SUCLG2: variants seen among roughly 807,000 people sequenced by gnomAD.
SUCLG2 encodes the protein succinate-CoA ligase GDP-forming subunit beta, also known as succinate--CoA ligase [GDP-forming] subunit beta, mitochondrial.
Under a neutral mutation model 47.9 loss-of-function variants are expected in SUCLG2, and 42 were observed. The ratio of observed to expected loss-of-function variants is 0.88; its 90% CI spans 0.69 to 1.14. SUCLG2 has a LOEUF of 1.14. Ranked by LOEUF, SUCLG2 falls within the 50% of genes most tolerant of loss-of-function variation. SUCLG2 has a pLI of 0.00. For missense variants in SUCLG2, 571 were observed against 525.9 expected, an observed-to-expected ratio of 1.09 and a Z score of -0.84; for synonymous variants, 195 against 197.3, an observed-to-expected ratio of 0.99 and a Z score of 0.10.
chr3:67,623,160 A>G (rs1053669078), intron 1 of SUCLG2, among the ~76,000 whole-genome samples: 1 of 152,174 alleles, frequency 6.6e-6, no homozygotes, highest in African/African-American at 2.4e-5. Flanking sequence ...TGGTGGCAAA[A>G]GAGGGTCTGT....
At chr3:67,404,337 A>G (rs1220394343) in intron 9 of SUCLG2, among the ~76,000 whole-genome samples, 2 of 150,552 alleles carry the variant, frequency 1.3e-5, no homozygotes, top group African/African-American at 2.4e-5. Flanking sequence ...AGAGCATGGG[A>G]GAGAGAGAGA....
chr3:67,497,654 C>T (rs779930747), intron 8 of SUCLG2, among the ~76,000 whole-genome samples: 4 of 152,104 alleles, frequency 2.6e-5, no homozygotes, highest in Non-Finnish European at 5.9e-5. Flanking sequence ...CAGAAGAGTT[C>T]TGCATATTAA....
At chr3:67,483,269 A>G (rs2107022216) in intron 9 of SUCLG2, among the ~76,000 whole-genome samples, 1 of 152,300 alleles carries the variant, frequency 6.6e-6, no homozygotes, top group Admixed American at 6.5e-5. Flanking sequence ...AGCAAGCAAC[A>G]TTGCTCAGAA....
At chr3:67,387,932 T>TA (rs549945358) in intron 10 of SUCLG2, among the ~76,000 whole-genome samples, 12 of 150,586 alleles carry the variant, frequency 8.0e-5, no homozygotes, top group East Asian at 1.9e-4. Context: ...AAGAGAGATG[T>TA]AAAAAAAAAT....
At chr3:67,422,326 T>A (rs1326223462) in intron 9 of SUCLG2, among the ~76,000 whole-genome samples, 2 of 150,424 alleles carry the variant, frequency 1.3e-5, no homozygotes, top group African/African-American at 4.9e-5. Context: ...ACAAAAAAAA[T>A]TAGCTGGGCA....
At position 67,648,459 on chromosome 3, in the gene SUCLG2, C is replaced by T. The variant is rs1039903127; in HGVS notation, c.84+6044G>A. On this transcript the variant is annotated intron_variant, in intron 1 of 10. Coordinates refer to ENST00000307227, the MANE Select transcript of SUCLG2 (RefSeq NM_003848.4). ...AGTTTAACTGCCTAGTTCAGCCCAA[C>T]TAGGATCTTTCAGTGACAGAGCTTA... Among the ~76,000 whole-genome samples, 3 of 152,212 alleles carry T rather than the reference C, an allele frequency of 2.0e-5. No homozygotes were observed. In the East Asian group the frequency reaches 5.8e-4, roughly 29 times the overall value.
chr3:67,400,890 A>G lies in SUCLG2; in HGVS notation c.1063-39T>C, dbSNP rs373138150. On this transcript the variant is annotated intron_variant, in intron 9 of 10. Transcript: ENST00000307227. ...TAAAAAGTTACCAATCAAAATGCTG[A>G]TCGCCAACAGTCTCAAAAATAACTG... The G allele has an allele frequency of 2.4e-4, 383 of 1,610,732 alleles. 7 individuals are homozygous for G. In the South Asian group the frequency reaches 4.0e-3, roughly 17 times the overall value.
At chr3:67,512,951 A>G (rs1267413027) in intron 6 of SUCLG2, among the ~76,000 whole-genome samples, 3 of 150,634 alleles carry the variant, frequency 2.0e-5, no homozygotes, top group Non-Finnish European at 2.9e-5. Context: ...CTCTCCATAT[A>G]TATCTCCATA....
intron 9 of SUCLG2, among the ~76,000 whole-genome samples, chr3:67,459,542 T>C (rs972935476): frequency 6.6e-6 from 1 of 152,204 alleles, no homozygotes; most frequent in Non-Finnish European, 1.5e-5. Flanking sequence ...TTTGGGTCAG[T>C]TTGTTTATTT....
intron 9 of SUCLG2, among the ~76,000 whole-genome samples, chr3:67,474,213 T>A (rs944480526): frequency 6.6e-6 from 1 of 151,648 alleles, no homozygotes; most frequent in Non-Finnish European, 1.5e-5. Context: ...TGAGCCGAGA[T>A]TGCGCCACTG....
At position 67,422,199 on chromosome 3, in the gene SUCLG2, CACAGTGG is replaced by C. The variant is rs1188146397; in HGVS notation, c.1063-21355_1063-21349del. 2.2e-3 allele frequency among the ~76,000 whole-genome samples: 340 copies of C among 152,052 alleles called. 1 individual carries two copies. Among genetic ancestry groups the C allele is most frequent in the African/African-American group, 7.7e-3 (321 of 41,478 alleles). On this transcript the variant is annotated intron_variant, in intron 9 of 10. Transcript: ENST00000307227. ...TTAAAAAAAGAACATTCAGGCTGGGCACAGTGGCTCATGCCTGTAATCCCAGCACTTA... is the reference window on the plus strand; with the variant it reads ...TTAAAAAAAGAACATTCAGGCTGGGCCTCATGCCTGTAATCCCAGCACTTA...
intron 9 of SUCLG2, among the ~76,000 whole-genome samples, chr3:67,467,989 A>C (rs573018737): frequency 8.1e-4 from 124 of 152,308 alleles, no homozygotes; most frequent in African/African-American, 2.8e-3. Flanking sequence ...TAGGAGAGAA[A>C]AGAGCCATAA....
At chr3:67,636,982 G>C (rs979895651) in intron 1 of SUCLG2, among the ~76,000 whole-genome samples, 1 of 152,192 alleles carries the variant, frequency 6.6e-6, no homozygotes, top group African/African-American at 2.4e-5. Flanking sequence ...TCAAGGCTTT[G>C]TCATGGTAGA....
At chr3:67,584,884 G>C (rs1707975105) in intron 2 of SUCLG2, among the ~76,000 whole-genome samples, 1 of 152,082 alleles carries the variant, frequency 6.6e-6, no homozygotes, top group African/African-American at 2.4e-5. Context: ...AACAGCATGA[G>C]GGTAACTGCC....
At chr3:67,598,582 T>C (rs1708346264) in intron 2 of SUCLG2, among the ~76,000 whole-genome samples, 1 of 152,180 alleles carries the variant, frequency 6.6e-6, no homozygotes. Flanking sequence ...TTATTTTGTA[T>C]ATGAAAAGTA....
chr3:67,422,471 C>A, intron 9 of SUCLG2, among the ~76,000 whole-genome samples: 1 of 17,886 alleles, frequency 5.6e-5, no homozygotes, highest in Non-Finnish European at 9.1e-5. Flanking sequence ...GAGACTCCAT[C>A]TCAAAAAAAA....
At chr3:67,592,844 G>A (rs1306997417) in intron 2 of SUCLG2, among the ~76,000 whole-genome samples, 1 of 151,516 alleles carries the variant, frequency 6.6e-6, no homozygotes, top group Non-Finnish European at 1.5e-5. Flanking sequence ...TCACGATACT[G>A]TATAGAAAAA....
At chr3:67,626,280 C>T (rs1298490689) in intron 1 of SUCLG2, among the ~76,000 whole-genome samples, 1 of 152,046 alleles carries the variant, frequency 6.6e-6, no homozygotes, top group Admixed American at 6.5e-5. Context: ...GCGTGAGCCA[C>T]TGCACCCGGC....
intron 9 of SUCLG2, among the ~76,000 whole-genome samples, chr3:67,473,437 A>T (rs902978218): frequency 4.0e-5 from 6 of 151,722 alleles, no homozygotes; most frequent in South Asian, 2.1e-4. Flanking sequence ...TTTTTTTTTT[A>T]AAAGCACCAG....
Sources: gnomAD v4.1 joint callset for allele counts (sites outside exome capture counted in the v4.1 genomes callset) on GRCh38, gnomAD v4.1.1 for gene constraint, MANE v1.5 for transcripts, NCBI Gene and HGNC (gene_info 2026-07-23, HGNC 2026-07-21) for gene names.